The following SOX5 variants were observed in gnomAD, a reference collection of about 807,000 sequenced individuals.
SOX5 encodes SRY-box transcription factor 5.
In SOX5, 9 loss-of-function variants were observed where a neutral mutation model predicts 92.0. The observed-to-expected ratio is 0.10, with a 90% CI of 0.06 to 0.17. The LOEUF is 0.17. Ranked by LOEUF, SOX5 falls within the 10% of genes least tolerant of loss-of-function variation. SOX5 has a pLI of 1.00. For missense variants in SOX5, 642 were observed against 944.5 expected, an observed-to-expected ratio of 0.68 and a Z score of 4.20; for synonymous variants, 344 against 336.3, an observed-to-expected ratio of 1.02 and a Z score of -0.25.
At chr12:24,480,988 A>T (rs949505603) in intron 1 of SOX5, among the ~76,000 whole-genome samples, 1 of 152,216 alleles carries the variant, frequency 6.6e-6, no homozygotes, top group African/African-American at 2.4e-5. Context: ...CACAATAGCC[A>T]AGATTCAGAA....
At chr12:24,331,440 T>C (rs1341306026) in intron 2 of SOX5, 1 of 152,190 alleles carries the variant, frequency 6.6e-6, no homozygotes, top group Non-Finnish European at 1.5e-5. Context: ...TGGAATTTAT[T>C]AGTAGAAAGG....
intron 2 of SOX5, among the ~76,000 whole-genome samples, chr12:24,322,738 T>C (rs769158345): frequency 5.4e-4 from 83 of 152,300 alleles, no homozygotes; most frequent in South Asian, 6.2e-4. Flanking sequence ...AATGAAATTC[T>C]GCATTACATA....
At chr12:24,423,363 T>C (rs1048676881) in intron 1 of SOX5, among the ~76,000 whole-genome samples, 1 of 152,216 alleles carries the variant, frequency 6.6e-6, no homozygotes, top group Non-Finnish European at 1.5e-5. Flanking sequence ...TAAATGAAAT[T>C]TGTCTTTTGT....
At chr12:24,407,291 T>C (rs1218364058) in intron 1 of SOX5, among the ~76,000 whole-genome samples, 3 of 152,062 alleles carry the variant, frequency 2.0e-5, no homozygotes, top group Non-Finnish European at 4.4e-5. Flanking sequence ...ACATGACTAA[T>C]GGAGAGATGA....
chr12:23,548,081 A>C (rs1327942717), intron 11 of SOX5, among the ~76,000 whole-genome samples: 1 of 152,066 alleles, frequency 6.6e-6, no homozygotes, highest in African/African-American at 2.4e-5. Flanking sequence ...TGAAGACTTT[A>C]CTGTACTCTC....
chr12:24,444,559 T>C (rs1042111186), intron 1 of SOX5, among the ~76,000 whole-genome samples: 19 of 152,178 alleles, frequency 1.2e-4, no homozygotes, highest in African/African-American at 4.6e-4. Flanking sequence ...TTGTGTGTTG[T>C]CCACACAACC....
At chr12:24,042,004 G>A (rs753147094) in intron 4 of SOX5, among the ~76,000 whole-genome samples, 7 of 152,028 alleles carry the variant, frequency 4.6e-5, no homozygotes, top group Non-Finnish European at 7.4e-5. Context: ...AAGGTTGTTT[G>A]TTTAACATCT....
chr12:23,581,444 A>C (rs1364219350), intron 9 of SOX5, among the ~76,000 whole-genome samples: 1 of 152,090 alleles, frequency 6.6e-6, no homozygotes, highest in Non-Finnish European at 1.5e-5. Flanking sequence ...GGTTCATTCC[A>C]TATCACAGGT....
At chr12:24,278,067 C>G (rs1944700652) in intron 2 of SOX5, among the ~76,000 whole-genome samples, 1 of 152,134 alleles carries the variant, frequency 6.6e-6, no homozygotes, top group Non-Finnish European at 1.5e-5. Context: ...AAGCAAGGAA[C>G]CTGTACACGG....
chr12:23,599,402 A>T (rs1953056266), intron 9 of SOX5, among the ~76,000 whole-genome samples: 1 of 152,250 alleles, frequency 6.6e-6, no homozygotes, highest in South Asian at 2.1e-4. Context: ...GAAGTATTCG[A>T]AAAGAACAAA....
chr12:24,058,983 A>G (rs955185174), intron 4 of SOX5, among the ~76,000 whole-genome samples: 13 of 152,184 alleles, frequency 8.5e-5, no homozygotes, highest in African/African-American at 3.1e-4. Context: ...AATTGTGAAT[A>G]GTCTATAGCC....
At chr12:23,577,626 A>G (rs1266277334) in intron 9 of SOX5, among the ~76,000 whole-genome samples, 1 of 146,698 alleles carries the variant, frequency 6.8e-6, no homozygotes, top group African/African-American at 2.5e-5. Flanking sequence ...ATTTCAGTTT[A>G]TATTGTCTGT....
chr12:23,791,383 C>T (rs980540940), intron 3 of SOX5, among the ~76,000 whole-genome samples: 3 of 152,162 alleles, frequency 2.0e-5, no homozygotes, highest in African/African-American at 4.8e-5. Flanking sequence ...CATACTACAG[C>T]CTCAAATTGT....
intron 3 of SOX5, among the ~76,000 whole-genome samples, chr12:23,809,799 C>A: frequency 7.1e-6 from 1 of 140,166 alleles, no homozygotes; most frequent in Non-Finnish European, 1.5e-5. Context: ...GACATTACTA[C>A]ACATTTTTAA....
chr12:23,538,821 G>C (rs1214113975), intron 13 of SOX5, among the ~76,000 whole-genome samples: 1 of 88,446 alleles, frequency 1.1e-5, no homozygotes, highest in African/African-American at 5.6e-5. Flanking sequence ...TTTTTTTTGA[G>C]ACAGAGTCTT....
chr12:24,061,594 A>C (rs1939713933), intron 4 of SOX5, among the ~76,000 whole-genome samples: 1 of 152,214 alleles, frequency 6.6e-6, no homozygotes, highest in Non-Finnish European at 1.5e-5. Context: ...TGCACAAAAC[A>C]TAGGGCATCA....
At chr12:24,465,725 C>G (rs951552966) in intron 1 of SOX5, among the ~76,000 whole-genome samples, 4 of 152,130 alleles carry the variant, frequency 2.6e-5, no homozygotes, top group African/African-American at 9.7e-5. Context: ...AGTCAGGGGC[C>G]AAATGAATTT....
chr12:24,219,284 T>G (rs925918478), intron 3 of SOX5, among the ~76,000 whole-genome samples: 2 of 152,058 alleles, frequency 1.3e-5, no homozygotes, highest in Non-Finnish European at 2.9e-5. Flanking sequence ...ATTATATATT[T>G]CATGATAACT....
chr12:24,116,681 T>A (rs1948039980), intron 4 of SOX5, among the ~76,000 whole-genome samples: 1 of 152,104 alleles, frequency 6.6e-6, no homozygotes, highest in African/African-American at 2.4e-5. Context: ...CATTAAGAAT[T>A]CCTGATTTAG....
Sources: allele counts gnomAD v4.1 joint callset (sites outside exome capture counted in the v4.1 genomes callset), GRCh38; gene constraint gnomAD v4.1.1; transcripts MANE v1.5; gene names NCBI Gene and HGNC (gene_info 2026-07-23, HGNC 2026-07-21).